Variants in IFT80 observed in about 807,000 individuals in gnomAD.
The protein encoded by IFT80 is intraflagellar transport protein 80 homolog.
Under a neutral mutation model 107.9 loss-of-function variants are expected in IFT80, and 79 were observed. The ratio of observed to expected loss-of-function variants is 0.73; its 90% CI spans 0.61 to 0.88. The LOEUF (loss-of-function observed/expected upper bound fraction) is 0.88, where lower values mean the gene tolerates loss of function less well. IFT80 is among the 40% of genes least tolerant of loss of function. IFT80 has a pLI of 0.00. For missense variants in IFT80, 797 were observed against 914.2 expected, an observed-to-expected ratio of 0.87 and a Z score of 1.65; for synonymous variants, 299 against 300.9, an observed-to-expected ratio of 0.99 and a Z score of 0.07.
intron 8 of IFT80, among the ~76,000 whole-genome samples, chr3:160,331,525 A>G (rs1217908019): frequency 6.6e-6 from 1 of 152,200 alleles, no homozygotes; most frequent in Non-Finnish European, 1.5e-5. Flanking sequence ...CCCAACTTCA[A>G]TATGTCATTA....
At chr3:160,349,344 G>A (rs1266973429) in intron 8 of IFT80, among the ~76,000 whole-genome samples, 1 of 152,054 alleles carries the variant, frequency 6.6e-6, no homozygotes, top group East Asian at 1.9e-4. Flanking sequence ...AGCTACTCGG[G>A]AGGCTGAGGC....
At chr3:160,352,721 C>T (rs1720803444) in intron 8 of IFT80, among the ~76,000 whole-genome samples, 1 of 152,166 alleles carries the variant, frequency 6.6e-6, no homozygotes, top group African/African-American at 2.4e-5. Flanking sequence ...AATGATTGAA[C>T]AGGGCATCAC....
At chr3:160,280,620 A>G in intron 15 of IFT80, 47 bp downstream of exon 15, 2 of 1,503,860 alleles carry the variant, frequency 1.3e-6, no homozygotes, top group Non-Finnish European at 1.8e-6. Context: ...ATACTCTATT[A>G]GAGTTTTATT....
chr3:160,372,729 C>T (rs1404418942), intron 5 of IFT80, among the ~76,000 whole-genome samples: 1 of 151,898 alleles, frequency 6.6e-6, no homozygotes, highest in Non-Finnish European at 1.5e-5. Flanking sequence ...TAAAATAGGA[C>T]AAAAATGATA....
intron 9 of IFT80, among the ~76,000 whole-genome samples, chr3:160,312,688 ATT>A (rs1265036879): frequency 1.8e-5 from 1 of 54,324 alleles, no homozygotes; most frequent in African/African-American, 7.9e-5. Flanking sequence ...ATAAATATAT[ATT>A]ATATATAAAT....
rs115645679 is a variant in IFT80 at position 160,308,366 on chromosome 3, G to C, written c.958-585C>G. Among the ~76,000 whole-genome samples the C allele has an allele frequency of 9.8e-3, 1,485 of 152,180 alleles. 8 individuals carry two copies. The highest frequency in any genetic ancestry group is 0.014 in the Non-Finnish European group (972 of 67,994). ...AAAAAGCCAAGCAGCAACTAACAGA[G>C]AGATTTGCTTATGACAGTCAGATTT... On this transcript the variant is annotated intron_variant, in intron 9 of 19. Coordinates refer to ENST00000326448, the MANE Select transcript of IFT80 (RefSeq NM_020800.3).
intron 18 of IFT80, among the ~76,000 whole-genome samples, chr3:160,271,529 C>T (rs1713806567): frequency 6.6e-6 from 1 of 152,008 alleles, no homozygotes; most frequent in Admixed American, 6.6e-5. Flanking sequence ...AGACTACTAC[C>T]AAATGTCCAA....
At chr3:160,263,563 C>T (rs1429003325) in intron 19 of IFT80, among the ~76,000 whole-genome samples, 1 of 152,184 alleles carries the variant, frequency 6.6e-6, no homozygotes, top group East Asian at 1.9e-4. Context: ...TACGTTTGCT[C>T]TTATTTTCAT....
At chr3:160,342,510 C>T (rs1015011716) in intron 8 of IFT80, among the ~76,000 whole-genome samples, 1 of 152,076 alleles carries the variant, frequency 6.6e-6, no homozygotes, top group Non-Finnish European at 1.5e-5. Context: ...AAAAACATGA[C>T]TTGACTATAA....
At chr3:160,389,746 T>G (rs1713222214) in intron 1 of IFT80, among the ~76,000 whole-genome samples, 1 of 152,058 alleles carries the variant, frequency 6.6e-6, no homozygotes, top group Non-Finnish European at 1.5e-5. Flanking sequence ...GACATTTGGG[T>G]TGGTTCCAAG....
chr3:160,342,313 C>T (rs936054437), intron 8 of IFT80, among the ~76,000 whole-genome samples: 9 of 152,000 alleles, frequency 5.9e-5, no homozygotes, highest in Non-Finnish European at 8.8e-5. Context: ...TACATTAAAA[C>T]GAAATAAGCA....
chr3:160,277,547 C>T, intron 17 of IFT80, 34 bp downstream of exon 17: 1 of 1,580,806 alleles, frequency 6.3e-7, no homozygotes, highest in Non-Finnish European at 8.7e-7. Flanking sequence ...TAAGAAAAAA[C>T]ACATGTACAT....
At chr3:160,330,744 T>A (rs563842622) in intron 8 of IFT80, among the ~76,000 whole-genome samples, 116 of 152,236 alleles carry the variant, frequency 7.6e-4, no homozygotes, top group Non-Finnish European at 1.5e-4. Flanking sequence ...AGACCCCCAT[T>A]TACCTGTTAC....
chr3:160,381,747 T>G (rs976934352), intron 2 of IFT80, 23 bp from the exon 3 acceptor site: 13 of 1,575,578 alleles, frequency 8.3e-6, no homozygotes, highest in Non-Finnish European at 1.0e-5. Flanking sequence ...TAAAGAGACA[T>G]AAAACATACA....
At chr3:160,325,578 A>G (rs1372181610) in intron 8 of IFT80, among the ~76,000 whole-genome samples, 2 of 152,124 alleles carry the variant, frequency 1.3e-5, no homozygotes, top group East Asian at 3.8e-4. Context: ...ATCTCAGGGA[A>G]TAAGATTGAG....
Position 160,279,003 on chromosome 3 carries a change from T to C in IFT80, c.1836+190A>G, listed in dbSNP as rs527894284. Among the ~76,000 whole-genome samples, 9 of 152,328 alleles carry C rather than the reference T, an allele frequency of 5.9e-5. No individual in the cohort carries two copies. In the South Asian group the frequency reaches 1.9e-3, roughly 32 times the overall value. ...TATGGAAAAACAGTTTAAATTTTTA[T>C]AGCGTCTTCAGAGAATAAATCACAC... On this transcript the variant is annotated intron_variant, in intron 16 of 19. Coordinates refer to ENST00000326448, the MANE Select transcript of IFT80 (RefSeq NM_020800.3).
At position 160,282,468 on chromosome 3, in the gene IFT80, A is replaced by G; in HGVS notation, c.1516+10T>C. 6.5e-7 allele frequency: 1 copy of G among 1,542,860 alleles called. No homozygotes were observed. The highest frequency in any genetic ancestry group is 1.7e-5 in the Admixed American group (1 of 57,232). On this transcript the variant is annotated intron_variant, in intron 14 of 19. Transcript: ENST00000326448. ...CAATTAAAACTTAAAATGTATTAAAATTATTTTACCAAGCTTGATAATTTG... is the reference window on the plus strand; with the variant it reads ...CAATTAAAACTTAAAATGTATTAAAGTTATTTTACCAAGCTTGATAATTTG...
intron 8 of IFT80, among the ~76,000 whole-genome samples, chr3:160,333,831 T>C (rs908550934): frequency 6.6e-5 from 10 of 152,192 alleles, no homozygotes; most frequent in Admixed American, 2.0e-4. Flanking sequence ...GTATAAGAAA[T>C]ATATAAACCA....
At chr3:160,391,822 G>A (rs1466131603) in intron 1 of IFT80, among the ~76,000 whole-genome samples, 1 of 152,220 alleles carries the variant, frequency 6.6e-6, no homozygotes, top group East Asian at 1.9e-4. Flanking sequence ...CATCAATCCT[G>A]TACCATCAAA....
Sources: allele counts gnomAD v4.1 joint callset (sites outside exome capture counted in the v4.1 genomes callset), GRCh38; gene constraint gnomAD v4.1.1; transcripts MANE v1.5; gene names NCBI Gene and HGNC (gene_info 2026-07-23, HGNC 2026-07-21).